GDPD4: variants seen among roughly 807,000 people sequenced by gnomAD.
GDPD4 encodes glycerophosphodiester phosphodiesterase domain containing 4.
GDPD4 carries 60 observed loss-of-function variants against 67.8 expected under a neutral mutation model. The ratio of observed to expected loss-of-function variants is 0.88; its 90% CI spans 0.72 to 1.10. The LOEUF is 1.10. GDPD4 is among the 50% of genes least tolerant of loss of function. The pLI is 0.00. For missense variants in GDPD4, 623 were observed against 613.9 expected, an observed-to-expected ratio of 1.01 and a Z score of -0.16; for synonymous variants, 212 against 210.9, an observed-to-expected ratio of 1.00 and a Z score of -0.04.
At chr11:77,287,994 A>AAT (rs1960064736) in intron 1 of GDPD4, among the ~76,000 whole-genome samples, 1 of 152,202 alleles carries the variant, frequency 6.6e-6, no homozygotes, top group Admixed American at 6.5e-5. Flanking sequence ...GATAGAACAA[A>AAT]ATATGTAGCA....
intron 16 of GDPD4, among the ~76,000 whole-genome samples, chr11:77,217,631 C>T (rs565475341): frequency 9.9e-5 from 15 of 151,922 alleles, no homozygotes; most frequent in African/African-American, 3.6e-4. Flanking sequence ...AAAATGAGGG[C>T]TTCCCTCAAT....
At chr11:77,297,579 C>T (rs1591588201) in intron 1 of GDPD4, among the ~76,000 whole-genome samples, 1 of 151,800 alleles carries the variant, frequency 6.6e-6, no homozygotes, top group African/African-American at 2.4e-5. Flanking sequence ...AGCTCCTTGC[C>T]TAGGTTTCAT....
In GDPD4 at chr11:77,243,778, C is replaced by A; in HGVS notation, c.1157G>T (p.Arg386Leu). ...SVAPGFQHVG[R>L]LVSIETLAKN... ...AGCAAGGGTTTCAATGGATACTAAA[C>A]GGCCCACATGCTGAAAACCAGGAGC... The change falls in exon 13 of 17, where the codon CGT (arginine) becomes CTT (leucine). Residue 386 changes from arginine (R) to leucine (L), a missense_variant. By Grantham distance (102) the Arg-to-Leu change is moderately radical. Coordinates refer to ENST00000315938, the MANE Select transcript of GDPD4 (RefSeq NM_182833.3). 1 of 1,612,534 alleles carries A rather than the reference C, an allele frequency of 6.2e-7. No individual in the cohort carries two copies.
At chr11:77,257,569 A>C (rs919804233) in intron 11 of GDPD4, among the ~76,000 whole-genome samples, 2 of 150,470 alleles carry the variant, frequency 1.3e-5, no homozygotes, top group Admixed American at 1.3e-4. Context: ...ACACACACAC[A>C]CACACACACA....
chr11:77,257,932 T>C (rs561060272), intron 11 of GDPD4, among the ~76,000 whole-genome samples: 1 of 152,202 alleles, frequency 6.6e-6, no homozygotes. Context: ...CTGTTTCTTA[T>C]ACTAGCCTGT....
At chr11:77,231,612 T>G (rs1958456061) in intron 14 of GDPD4, among the ~76,000 whole-genome samples, 1 of 152,220 alleles carries the variant, frequency 6.6e-6, no homozygotes, top group African/African-American at 2.4e-5. Flanking sequence ...CATGGATTTA[T>G]TCATTTAAAT....
At chr11:77,291,823 G>A (rs1002921046) in intron 1 of GDPD4, among the ~76,000 whole-genome samples, 1 of 152,160 alleles carries the variant, frequency 6.6e-6, no homozygotes, top group Non-Finnish European at 1.5e-5. Context: ...CTGAGGTCGG[G>A]AGTTTGAGAC....
chr11:77,279,825 T>TAA (rs34595834), intron 3 of GDPD4, among the ~76,000 whole-genome samples: 11 of 150,392 alleles, frequency 7.3e-5, no homozygotes, highest in African/African-American at 9.7e-5. Flanking sequence ...GCCACCATAT[T>TAA]AAAAAAAAAG....
chr11:77,251,034 G>A (rs1001613028), intron 11 of GDPD4, among the ~76,000 whole-genome samples: 16 of 152,078 alleles, frequency 1.1e-4, no homozygotes, highest in African/African-American at 3.6e-4. Flanking sequence ...GTCTGTATGT[G>A]TCTTTACAGG....
chr11:77,258,586 A>G, intron 10 of GDPD4, 44 bp from the exon 11 acceptor site: 2 of 1,592,912 alleles, frequency 1.3e-6, no homozygotes, highest in Non-Finnish European at 1.7e-6. Context: ...GATAGGCTGA[A>G]TTTAGCTACC....
chr11:77,243,800 G>A lies in GDPD4; in HGVS notation c.1135C>T (p.Pro379Ser), dbSNP rs1356984717. 5.6e-6 allele frequency: 9 copies of A among 1,613,904 alleles called. No homozygotes were observed. The highest frequency in any genetic ancestry group is 2.2e-5 in the South Asian group (2 of 91,058). ...AAACGGCCCACATGCTGAAAACCAG[G>A]AGCCACGGACCTGACGTATTGCCTA... is the stretch of plus-strand genomic sequence containing the variant. ...HDRQYVRSVA[P>S]GFQHVGRLVS... Residue 379 changes from proline (P) to serine (S), a missense_variant, in exon 13 of 17, where the codon CCT (proline) becomes TCT (serine). Pro to Ser is a moderately conservative substitution (Grantham distance 74). Transcript: ENST00000315938.
chr11:77,236,931 C>T (rs969466118), intron 13 of GDPD4, among the ~76,000 whole-genome samples: 2 of 152,140 alleles, frequency 1.3e-5, no homozygotes, highest in African/African-American at 4.8e-5. Flanking sequence ...ACAGGATAAC[C>T]TGATCTTTTG....
chr11:77,245,005 T>C (rs1958752758), intron 12 of GDPD4, among the ~76,000 whole-genome samples: 1 of 152,216 alleles, frequency 6.6e-6, no homozygotes, highest in Admixed American at 6.5e-5. Flanking sequence ...CATTAGATAG[T>C]TATTACACAT....
At chr11:77,260,346 G>C (rs1023125242) in intron 10 of GDPD4, among the ~76,000 whole-genome samples, 1 of 151,368 alleles carries the variant, frequency 6.6e-6, no homozygotes, top group African/African-American at 2.4e-5. Context: ...GAATAATTTA[G>C]AACTACAATG....
At chr11:77,279,825 T>TA (rs34595834) in intron 3 of GDPD4, among the ~76,000 whole-genome samples, 29,935 of 150,202 alleles carry the variant, frequency 0.2, 3,618 homozygotes, top group Non-Finnish European at 0.27. Context: ...GCCACCATAT[T>TA]AAAAAAAAAG....
At chr11:77,300,681 C>T (rs1249379965) in intron 1 of GDPD4, among the ~76,000 whole-genome samples, 4 of 152,152 alleles carry the variant, frequency 2.6e-5, no homozygotes, top group African/African-American at 9.7e-5. Flanking sequence ...TATCAAAAAT[C>T]ACAATTGGTT....
intron 1 of GDPD4, among the ~76,000 whole-genome samples, chr11:77,291,912 C>A (rs1192612178): frequency 6.6e-6 from 1 of 152,132 alleles, no homozygotes; most frequent in Non-Finnish European, 1.5e-5. Context: ...TGCCTGTAAT[C>A]CCAGCTCCTT....
chr11:77,284,675 A>G (rs1353650469), intron 3 of GDPD4, among the ~76,000 whole-genome samples: 1 of 152,184 alleles, frequency 6.6e-6, no homozygotes, highest in Non-Finnish European at 1.5e-5. Context: ...TAAGAACAGC[A>G]GGGAGAGGAA....
intron 10 of GDPD4, among the ~76,000 whole-genome samples, chr11:77,268,197 G>A (rs988936290): frequency 6.6e-6 from 1 of 152,094 alleles, no homozygotes; most frequent in African/African-American, 2.4e-5. Context: ...AGCACGGTTT[G>A]CAATGGGGCC....
Sources: gnomAD v4.1 joint callset for allele counts (sites outside exome capture counted in the v4.1 genomes callset) on GRCh38, gnomAD v4.1.1 for gene constraint, MANE v1.5 for transcripts, NCBI Gene and HGNC (gene_info 2026-07-23, HGNC 2026-07-21) for gene names.